Variants in PIWIL2 observed in about 807,000 individuals in gnomAD.
PIWIL2 encodes piwi-like protein 2.
Under a neutral mutation model 116.5 loss-of-function variants are expected in PIWIL2, and 81 were observed. The ratio of observed to expected loss-of-function variants is 0.70; its 90% CI spans 0.58 to 0.84. The LOEUF (loss-of-function observed/expected upper bound fraction) is 0.84. Ranked by LOEUF, PIWIL2 falls within the 40% of genes least tolerant of loss-of-function variation. The probability of loss-of-function intolerance (pLI) is 0.00; values close to 1 mark genes in which losing one functional copy is unlikely to be tolerated. For missense variants in PIWIL2, 1,272 were observed against 1,212.3 expected, an observed-to-expected ratio of 1.05 and a Z score of -0.73; for synonymous variants, 489 against 429.5, an observed-to-expected ratio of 1.14 and a Z score of -1.71.
In PIWIL2 at chr8:22,290,308, C is replaced by T. The variant is rs141927526; in HGVS notation, c.1143C>T (p.Ser381=). ...GGCTCTTCCTGCTAGCTGATGTCTC[C>T]CATAAGGTCATTCGGAATGACTGTG... is the stretch of plus-strand genomic sequence containing the variant. ...DGGLFLLADV[S]HKVIRNDCVL... The change falls in exon 10 of 23, where the codon TCC becomes TCT. Residue 381 remains serine (S), a synonymous_variant. Transcript: ENST00000356766. 1 of 1,611,028 alleles carries T rather than the reference C, an allele frequency of 6.2e-7. No homozygotes were observed. The highest frequency in any genetic ancestry group is 1.3e-5 in the African/African-American group (1 of 74,864).
intron 20 of PIWIL2, among the ~76,000 whole-genome samples, chr8:22,343,081 A>G (rs906294738): frequency 6.6e-6 from 1 of 151,914 alleles, no homozygotes; most frequent in African/African-American, 2.4e-5. Flanking sequence ...AGCCTGACCA[A>G]TGTGGTGAAA....
In PIWIL2 at chr8:22,314,340, A is replaced by T. The variant is rs1322324598; in HGVS notation, c.2002A>T (p.Met668Leu). 1 of 1,555,556 alleles carries T rather than the reference A, an allele frequency of 6.4e-7. No homozygotes were observed. The highest frequency in any genetic ancestry group is 2.4e-5 in the East Asian group (1 of 42,046). Residue 668 changes from methionine (M) to leucine (L), a missense_variant, in exon 17 of 23, where the codon ATG becomes TTG. By Grantham distance (15) the Met-to-Leu change is conservative. Coordinates refer to ENST00000356766, the MANE Select transcript of PIWIL2 (RefSeq NM_018068.5). ...STLGAEGKIQMVVCIIMGPRD... is the reference protein window; with the variant it reads ...STLGAEGKIQLVVCIIMGPRD... ...TTATCTCCTCAAGGGGAAGATACAG[A>T]TGGTTGTTTGCATCATCATGGGCCC...
chr8:22,298,630 T>G (rs573254280), intron 10 of PIWIL2, among the ~76,000 whole-genome samples: 2 of 152,324 alleles, frequency 1.3e-5, no homozygotes, highest in African/African-American at 4.8e-5. Context: ...CTGGGAAGTT[T>G]TCAAAATTAT....
chr8:22,290,694 C>T (rs1387717421), intron 10 of PIWIL2, among the ~76,000 whole-genome samples: 1 of 148,300 alleles, frequency 6.7e-6, no homozygotes, highest in African/African-American at 2.5e-5. Context: ...TCAAGGGATC[C>T]TCCTACCTCA....
chr8:22,289,757 C>T lies in PIWIL2; in HGVS notation c.987-90C>T, dbSNP rs906867644. ...AAGAGCACAAACATTTCTAACCGTT[C>T]AGACTTCCAAAGGCAAATGTAGCTA... On this transcript the variant is annotated intron_variant, in intron 8 of 22. Coordinates refer to ENST00000356766, the MANE Select transcript of PIWIL2 (RefSeq NM_018068.5). 7 of 776,672 alleles carry T rather than the reference C, an allele frequency of 9.0e-6. No homozygotes were observed. In the East Asian group the frequency reaches 1.8e-4, roughly 20 times the overall value. The allele number at this position is 776,672 out of a possible 1,614,324, so 48.1% of individuals were successfully genotyped here.
chr8:22,314,454 C>T (rs71513878), intron 17 of PIWIL2, 25 bp downstream of exon 17: 78,657 of 1,290,742 alleles, frequency 0.061, 2,765 homozygotes, highest in Admixed American at 0.11. Context: ...GGGCAGGAGG[C>T]GCAGATGGCA....
chr8:22,286,013 G>A (rs1830621074), intron 6 of PIWIL2, among the ~76,000 whole-genome samples: 1 of 152,188 alleles, frequency 6.6e-6, no homozygotes, highest in Non-Finnish European at 1.5e-5. Context: ...GCAGCTGCTA[G>A]TTGATGACAC....
At chr8:22,286,763 A>G (rs1830638163) in intron 6 of PIWIL2, among the ~76,000 whole-genome samples, 1 of 152,046 alleles carries the variant, frequency 6.6e-6, no homozygotes, top group Admixed American at 6.6e-5. Context: ...CTGGGATTAC[A>G]ACCACATGCC....
intron 10 of PIWIL2, among the ~76,000 whole-genome samples, chr8:22,298,205 T>A (rs1347232817): frequency 6.6e-6 from 1 of 151,772 alleles, no homozygotes; most frequent in East Asian, 1.9e-4. Context: ...GCAGTGAGTG[T>A]GAGCCATAAT....
At chr8:22,335,630 G>A (rs763742858) in intron 20 of PIWIL2, among the ~76,000 whole-genome samples, 6 of 146,294 alleles carry the variant, frequency 4.1e-5, no homozygotes, top group East Asian at 2.0e-4. Context: ...TCACTGCAGC[G>A]TCTGCCTCCT....
chr8:22,281,841 G>C lies in PIWIL2; in HGVS notation c.425+326G>C, dbSNP rs140526483. 3.0e-5 allele frequency among the ~76,000 whole-genome samples: 4 copies of C among 133,632 alleles called. No individual in the cohort carries two copies. In the East Asian group the frequency reaches 9.0e-4, roughly 30 times the overall value. 87.7% of individuals were successfully genotyped at this position (133,632 alleles called of 152,430 possible). ...AGCTGGAGTGCAATGCCTCAATCTT[G>C]GCTCACTGCAACCTCCGCCTCCCAG... On this transcript the variant is annotated intron_variant, in intron 4 of 22. Coordinates refer to ENST00000356766, the MANE Select transcript of PIWIL2 (RefSeq NM_018068.5).
chr8:22,291,552 T>C (rs1830768259), intron 10 of PIWIL2, among the ~76,000 whole-genome samples: 1 of 152,244 alleles, frequency 6.6e-6, no homozygotes, highest in South Asian at 2.1e-4. Flanking sequence ...AATTACTTAA[T>C]GGAAGGGCTG....
At chr8:22,337,703 C>T (rs887013543) in intron 20 of PIWIL2, among the ~76,000 whole-genome samples, 1 of 151,310 alleles carries the variant, frequency 6.6e-6, no homozygotes, top group Non-Finnish European at 1.5e-5. Flanking sequence ...GCACTCCAGC[C>T]TGGGCAATAA....
intron 20 of PIWIL2, among the ~76,000 whole-genome samples, chr8:22,337,172 A>G (rs1222489211): frequency 6.6e-6 from 1 of 152,200 alleles, no homozygotes. Flanking sequence ...AAAGCCAAAC[A>G]AAGCCATCTC....
At position 22,284,240 on chromosome 8, in the gene PIWIL2, T is replaced by C; in HGVS notation, c.711T>C (p.Asn237=). 1 of 1,599,654 alleles carries C rather than the reference T, an allele frequency of 6.3e-7. No homozygotes were observed. Among genetic ancestry groups the C allele is most frequent in the South Asian group, 1.1e-5 (1 of 89,264 alleles). Residue 237 remains asparagine (N), a synonymous_variant, in exon 6 of 23, where the codon AAT becomes AAC. Transcript: ENST00000356766. ...GLNLVKIQCH[N]EAVYQYHVTF... ...ACCTCGTCAAAATACAGTGTCATAATGAAGCAGTTTATCAATATCATGTGA... is the reference window on the plus strand; with the variant it reads ...ACCTCGTCAAAATACAGTGTCATAACGAAGCAGTTTATCAATATCATGTGA...
At chr8:22,339,862 A>G (rs937696299) in intron 20 of PIWIL2, among the ~76,000 whole-genome samples, 25 of 152,090 alleles carry the variant, frequency 1.6e-4, no homozygotes, top group Admixed American at 1.4e-3. Context: ...AAACACATGA[A>G]AAGAAGCTAA....
At chr8:22,288,735 A>G (rs1160399755) in intron 8 of PIWIL2, 69 bp downstream of exon 8, 11 of 1,367,684 alleles carry the variant, frequency 8.0e-6, no homozygotes, top group Non-Finnish European at 1.1e-5. Flanking sequence ...GTTCTTCAAG[A>G]TACTTGGATG....
intron 6 of PIWIL2, among the ~76,000 whole-genome samples, chr8:22,286,401 A>T (rs558058180): frequency 3.9e-5 from 6 of 152,318 alleles, no homozygotes; most frequent in African/African-American, 1.4e-4. Context: ...CTGAGCACAT[A>T]CAACAGGTAG....
intron 1 of PIWIL2, among the ~76,000 whole-genome samples, chr8:22,278,556 A>C (rs1000959744): frequency 2.0e-5 from 3 of 152,200 alleles, no homozygotes; most frequent in African/African-American, 7.2e-5. Flanking sequence ...GTTAACTCAC[A>C]GGACTGAGTT....
Sources: gnomAD v4.1 joint callset for allele counts (sites outside exome capture counted in the v4.1 genomes callset) on GRCh38, gnomAD v4.1.1 for gene constraint, MANE v1.5 for transcripts, NCBI Gene and HGNC (gene_info 2026-07-23, HGNC 2026-07-21) for gene names.